SMARCD2: variants seen among roughly 807,000 people sequenced by gnomAD.
SMARCD2 encodes SWI/SNF related BAF chromatin remodeling complex subunit D2, also known as SWI/SNF-related matrix-associated actin-dependent regulator of chromatin subfamily D member 2.
In SMARCD2, 39 loss-of-function variants were observed where a neutral mutation model predicts 70.4. That is an observed-to-expected ratio of 0.55 (90% confidence interval 0.43 to 0.72). The LOEUF is 0.72. Ranked by LOEUF, SMARCD2 falls within the 30% of genes least tolerant of loss-of-function variation. SMARCD2 has a pLI of 0.00. For missense variants in SMARCD2, 540 were observed against 713.4 expected, an observed-to-expected ratio of 0.76 and a Z score of 2.77; for synonymous variants, 249 against 279.4, an observed-to-expected ratio of 0.89 and a Z score of 1.08.
Position 63,837,337 on chromosome 17 carries a change from A to T in SMARCD2, c.402-100T>A. The T allele has an allele frequency of 6.6e-7, 1 of 1,516,134 alleles. No individual in the cohort carries two copies. The highest frequency in any genetic ancestry group is 1.7e-5 in the Admixed American group (1 of 59,636). 93.9% of individuals were successfully genotyped at this position (1,516,134 alleles called of 1,614,324 possible). ...TCTCCAGGACCCTCTCCCCCAGGAG[A>T]GCCTGGAGTCATCCTCAGTCACCAA... On this transcript the variant is annotated intron_variant, in intron 2 of 12. Coordinates refer to ENST00000448276, the MANE Select transcript of SMARCD2 (RefSeq NM_001098426.2). This position sits in a 1 kb window ranked among gnomAD's most constrained non-coding sequence, Gnocchi z 6.4.
In SMARCD2 at chr17:63,834,900, C is replaced by G. The variant is rs926518064; in HGVS notation, c.724-100G>C. On this transcript the variant is annotated intron_variant, in intron 5 of 12. Transcript: ENST00000448276. This position sits in a 1 kb window ranked among gnomAD's most constrained non-coding sequence, Gnocchi z 5.6. The stretch of plus-strand genomic sequence containing the variant: ...GAAGCCCCATTTCAGCCCTGGAGCT[C>G]CGGATACTGAAGATTCCTGGGCCCT... 1.2e-6 allele frequency: 1 copy of G among 859,392 alleles called. No homozygotes were observed. Among genetic ancestry groups the G allele is most frequent in the African/African-American group, 1.7e-5 (1 of 59,684 alleles). The allele number at this position is 859,392 out of a possible 1,614,324, so 53.2% of individuals were successfully genotyped here.
At position 63,836,917 on chromosome 17, in the gene SMARCD2, C is replaced by T. The variant is rs952903722; in HGVS notation, c.567+5G>A. 6.2e-7 allele frequency: 1 copy of T among 1,612,732 alleles called. No homozygotes were observed. The highest frequency in any genetic ancestry group is 8.5e-7 in the Non-Finnish European group (1 of 1,179,108). On this transcript the variant is annotated splice_donor_5th_base_variant and intron_variant, in intron 4 of 12. Transcript: ENST00000448276. ...AAGGCTAGAGGTGGTCAGGGCCACA[C>T]ATACTGTCAGAGGCTTTTTGATGGC...
intron 1 of SMARCD2, among the ~76,000 whole-genome samples, chr17:63,842,145 C>T (rs986941365): frequency 6.6e-6 from 1 of 152,144 alleles, no homozygotes; most frequent in African/African-American, 2.4e-5. Flanking sequence ...GCCCTCCTAC[C>T]CTAGACTTCT....
chr17:63,832,939 TAGGTC>T lies in SMARCD2; in HGVS notation c.1590_1594del (p.Ter532AlafsTer30), dbSNP rs2040211325. The T allele has an allele frequency of 1.9e-6, 3 of 1,563,892 alleles. No individual in the cohort carries two copies. Among genetic ancestry groups the T allele is most frequent in the African/African-American group, 1.4e-5 (1 of 73,430 alleles). ...CTGGGAAGAAAGATCCCTGAGCAGT[TAGGTC>T]AGGCGAATTCCCAGCACCTGTTCCA... is the stretch of plus-strand genomic sequence containing the variant. On this transcript the variant is annotated frameshift_variant and stop_lost, in exon 13 of 13. Transcript: ENST00000448276. LOFTEE classifies it high-confidence loss of function.
At chr17:63,835,282 C>T in intron 5 of SMARCD2, 130 bp downstream of exon 5, 1 of 899,306 alleles carries the variant, frequency 1.1e-6, no homozygotes, top group Non-Finnish European at 1.7e-6. Context: ...GCCACCGCAC[C>T]CAGCTAATTT....
In SMARCD2 at chr17:63,837,481, C is replaced by A; in HGVS notation, c.361G>T (p.Val121Leu). 1 of 1,587,478 alleles carries A rather than the reference C, an allele frequency of 6.3e-7. No individual in the cohort carries two copies. Among genetic ancestry groups the A allele is most frequent in the Non-Finnish European group, 8.6e-7 (1 of 1,164,162 alleles). Reference protein sequence around the residue: ...MMDPFRKRLLVPQAQPPMPAQ... With the variant: ...MMDPFRKRLLLPQAQPPMPAQ... ...GGCATGGGAGGCTGCGCCTGGGGCA[C>A]AAGCAGGCGTTTTCGGAATGGATCC... The change falls in exon 2 of 13, where the codon GTG (valine) becomes TTG (leucine). Residue 121 changes from valine to leucine, a missense_variant. Transcript: ENST00000448276. This position sits in a 1 kb window ranked among gnomAD's most constrained non-coding sequence, Gnocchi z 6.4.
rs796570333 is a variant in SMARCD2 at position 63,832,913 on chromosome 17, G to C, written c.*25C>G. 6.4e-7 allele frequency: 1 copy of C among 1,552,762 alleles called. No homozygotes were observed. The highest frequency in any genetic ancestry group is 1.4e-5 in the African/African-American group (1 of 73,232). On this transcript the variant is annotated 3_prime_UTR_variant, in exon 13 of 13. Coordinates refer to ENST00000448276, the MANE Select transcript of SMARCD2 (RefSeq NM_001098426.2). Reference sequence around the variant, plus strand: ...GGGTGGTCTCCCTCCAGGCTCCAGGGCTGGGAAGAAAGATCCCTGAGCAGT... The same window carrying C: ...GGGTGGTCTCCCTCCAGGCTCCAGGCCTGGGAAGAAAGATCCCTGAGCAGT...
At chr17:63,838,669 C>A in intron 1 of SMARCD2, 1 of 1,454,080 alleles carries the variant, frequency 6.9e-7, no homozygotes, top group South Asian at 1.4e-5. Flanking sequence ...TCCACCCCCA[C>A]CCGCCTCCCC....
Position 63,833,905 on chromosome 17 carries a change from TTACC to T in SMARCD2, c.1181_1181+3del. Reference sequence around the variant, plus strand: ...AGCCTTCCTGTCCCCCTCCTTGCATTTACCTAATGACATGGTTGATGACAATGGG... The same window carrying T: ...AGCCTTCCTGTCCCCCTCCTTGCATTTAATGACATGGTTGATGACAATGGG... On this transcript the variant is annotated splice_donor_variant and splice_donor_region_variant and coding_sequence_variant and intron_variant, in exon 9 of 13. Transcript: ENST00000448276. LOFTEE classifies it high-confidence loss of function. The surrounding 1 kb of genome is among the most constrained non-coding windows in gnomAD (Gnocchi z 4.3). 6.2e-7 allele frequency: 1 copy of T among 1,603,894 alleles called. No individual in the cohort carries two copies. The highest frequency in any genetic ancestry group is 8.5e-7 in the Non-Finnish European group (1 of 1,170,784).
At position 63,833,901 on chromosome 17, in the gene SMARCD2, GC is replaced by G; in HGVS notation, c.1181+7del. 1 of 1,595,288 alleles carries G rather than the reference GC, an allele frequency of 6.3e-7. No individual in the cohort carries two copies. Among genetic ancestry groups the G allele is most frequent in the Non-Finnish European group, 8.6e-7 (1 of 1,162,962 alleles). On this transcript the variant is annotated splice_region_variant and intron_variant, in intron 9 of 12. Transcript: ENST00000448276. The surrounding 1 kb of genome is among the most constrained non-coding windows in gnomAD (Gnocchi z 4.3). ...GAAGAGCCTTCCTGTCCCCCTCCTT[GC>G]ATTTACCTAATGACATGGTTGATGA...
Position 63,833,540 on chromosome 17 carries a change from A to AGAGG in SMARCD2, c.1317+46_1317+47insCCTC, listed in dbSNP as rs781134439. The AGAGG allele has an allele frequency of 1.9e-6, 3 of 1,613,006 alleles. No individual in the cohort carries two copies. The Admixed American group carries it at 5.0e-5, about 27-fold the overall frequency. Reference sequence around the variant, plus strand: ...TGGAAATGCTGGACAGAGCCAGCCCACCCCAATCCTGGGCCCCAGAGGAAG... The same window carrying AGAGG: ...TGGAAATGCTGGACAGAGCCAGCCCAGAGGCCCCAATCCTGGGCCCCAGAGGAAG... On this transcript the variant is annotated intron_variant, in intron 10 of 12. Coordinates refer to ENST00000448276, the MANE Select transcript of SMARCD2 (RefSeq NM_001098426.2). The surrounding 1 kb of genome is among the most constrained non-coding windows in gnomAD (Gnocchi z 4.3).
In SMARCD2 at chr17:63,833,039, C is replaced by T; in HGVS notation, c.1542+30G>A. On this transcript the variant is annotated intron_variant, in intron 12 of 12. Coordinates refer to ENST00000448276, the MANE Select transcript of SMARCD2 (RefSeq NM_001098426.2). This position sits in a 1 kb window ranked among gnomAD's most constrained non-coding sequence, Gnocchi z 4.3. ...GGCTCAGGCCTTTGCTACTCACGGC[C>T]AAAGGAGGGAAAACAGGGCAGAGCC... 6.3e-7 allele frequency: 1 copy of T among 1,586,738 alleles called. No individual in the cohort carries two copies.
chr17:63,833,300 T>C lies in SMARCD2; in HGVS notation c.1438A>G (p.Lys480Glu), dbSNP rs758696277. 27 of 1,612,506 alleles carry C rather than the reference T, an allele frequency of 1.7e-5. 1 individual carries two copies. In the South Asian group the frequency reaches 3.0e-4, roughly 18 times the overall value. ...CCCCTCGGGAAAGAGGACTACACCT[T>C]GAGGTCTCGGCGCTGGGAACGGAGC... ...EWLRSQRRDL[K>E]IITDVIGNPE... Residue 480 changes from lysine (K) to glutamate (E), a missense_variant and splice_region_variant, in exon 11 of 13, where the codon AAG becomes GAG. Physicochemically the swap from Lys to Glu is moderately conservative, Grantham distance 56. Coordinates refer to ENST00000448276, the MANE Select transcript of SMARCD2 (RefSeq NM_001098426.2). The surrounding 1 kb of genome is among the most constrained non-coding windows in gnomAD (Gnocchi z 4.3).
rs368597638 is a variant in SMARCD2 at position 63,833,699 on chromosome 17, T to G, written c.1205A>C (p.Lys402Thr). 28 of 1,613,934 alleles carry G rather than the reference T, an allele frequency of 1.7e-5. No homozygotes were observed. Among genetic ancestry groups the G allele is most frequent in the African/African-American group, 2.7e-5 (2 of 75,046 alleles). ...VISVDPNDQK[K>T]TACYDIDVEV... ...CACATCGATGTCGTAACAGGCTGTC[T>G]TCTTCTGGTCGTTAGGGTCGACACT... Residue 402 changes from lysine to threonine, a missense_variant, in exon 10 of 13, where the codon AAG becomes ACG. Lys to Thr is a moderately conservative substitution (Grantham distance 78). Transcript: ENST00000448276. This position sits in a 1 kb window ranked among gnomAD's most constrained non-coding sequence, Gnocchi z 4.3.
intron 1 of SMARCD2, among the ~76,000 whole-genome samples, chr17:63,840,326 T>C (rs2859619): frequency 0.7 from 105,081 of 150,144 alleles, 38,213 homozygotes; most frequent in African/African-American, 0.92. Context: ...CACACCACCA[T>C]GCTTGGCTAA....
In SMARCD2 at chr17:63,837,754, C is replaced by G; in HGVS notation, c.217-129G>C. On this transcript the variant is annotated intron_variant, in intron 1 of 12. Coordinates refer to ENST00000448276, the MANE Select transcript of SMARCD2 (RefSeq NM_001098426.2). The surrounding 1 kb of genome is among the most constrained non-coding windows in gnomAD (Gnocchi z 6.4). The stretch of plus-strand genomic sequence containing the variant: ...CAGCACACCAGAGCCCTGCTGGAGC[C>G]CCAGGAACAAAGGGGAGTGGGCGCC... 1 of 744,486 alleles carries G rather than the reference C, an allele frequency of 1.3e-6. No homozygotes were observed. The highest frequency in any genetic ancestry group is 2.2e-6 in the Non-Finnish European group (1 of 460,890). The allele number at this position is 744,486 out of a possible 1,614,324, so 46.1% of individuals were successfully genotyped here. A position where few individuals can be genotyped will look rare whatever the true frequency, so the allele number is the denominator to read the frequency against.
rs1423900007 is a variant in SMARCD2, at chr17:63,837,197, G to T, written c.442C>A (p.Arg148=). Residue 148 remains arginine (R), a splice_region_variant and synonymous_variant, in exon 3 of 13, where the codon CGA becomes AGA. Transcript: ENST00000448276. The surrounding 1 kb of genome is among the most constrained non-coding windows in gnomAD (Gnocchi z 6.4). Reference sequence around the variant, plus strand: ...CCAGGTGTCCTCTTAACACTTACTCGCTGAGGTAGAACCTTATCTGCCATC... The same window carrying T: ...CCAGGTGTCCTCTTAACACTTACTCTCTGAGGTAGAACCTTATCTGCCATC... ...RKMADKVLPQ[R]IRELVPESQA... is the part of the protein sequence containing the mutation. 2.5e-6 allele frequency: 4 copies of T among 1,613,524 alleles called. No homozygotes were observed. Among genetic ancestry groups the T allele is most frequent in the Non-Finnish European group, 3.4e-6 (4 of 1,179,736 alleles).
At position 63,839,116 on chromosome 17, in the gene SMARCD2, A is replaced by G. The variant is rs181722819; in HGVS notation, c.217-1491T>C. On this transcript the variant is annotated intron_variant, in intron 1 of 12. Transcript: ENST00000448276. ...TCAGAGCTGTTGAAAGGCAAAAGAC[A>G]GCCTCTTTCTCTGCCTTAAAGATTG... 4 of 985,414 alleles carry G rather than the reference A, an allele frequency of 4.1e-6. No individual in the cohort carries two copies. The African/African-American group carries it at 5.2e-5, about 13-fold the overall frequency. The allele number at this position is 985,414 out of a possible 1,614,324, so 61.0% of individuals were successfully genotyped here.
chr17:63,839,513 G>A (rs1904356693), intron 1 of SMARCD2, among the ~76,000 whole-genome samples: 1 of 151,114 alleles, frequency 6.6e-6, no homozygotes, highest in South Asian at 2.1e-4. Context: ...TCAAGTCCCA[G>A]CTGAGCCTTG....
Sources: allele counts gnomAD v4.1 joint callset (sites outside exome capture counted in the v4.1 genomes callset), GRCh38; gene constraint gnomAD v4.1.1; non-coding constraint Gnocchi (gnomAD v3.1); transcripts MANE v1.5; gene names NCBI Gene and HGNC (gene_info 2026-07-23, HGNC 2026-07-21).